Variants in KLHL4 observed in about 807,000 individuals in gnomAD.
The protein encoded by KLHL4 is kelch like family member 4, also known as kelch-like protein 4.
KLHL4 carries 17 observed loss-of-function variants against 45.8 expected under a neutral mutation model. The observed-to-expected ratio is 0.37, with a 90% confidence interval of 0.25 to 0.56. KLHL4 has a LOEUF of 0.56. KLHL4 is among the 20% of genes least tolerant of loss of function. The pLI, the probability that KLHL4 is intolerant of heterozygous loss-of-function variation, is 0.79. For synonymous variants in KLHL4, 224 were observed against 189.9 expected, an observed-to-expected ratio of 1.18 and a Z score of -1.47; for missense variants, 544 against 544.9, an observed-to-expected ratio of 1.00 and a Z score of 0.02.
chrX:87,641,295 T>A (rs1923450829), intron 9 of KLHL4, among the ~76,000 whole-genome samples: 2 of 111,739 alleles, frequency 1.8e-5, no homozygotes, highest in African/African-American at 6.5e-5. Context: ...TGAAGGTCTG[T>A]TTGCAGGAGA....
At chrX:87,525,370 A>C (rs776179458) in intron 1 of KLHL4, among the ~76,000 whole-genome samples, 1 of 111,674 alleles carries the variant, frequency 9.0e-6, no homozygotes, top group Non-Finnish European at 1.9e-5. Flanking sequence ...CAAAAGAAAA[A>C]CAATGACAGA....
At chrX:87,522,490 C>A (rs1191499951) in intron 1 of KLHL4, among the ~76,000 whole-genome samples, 1 of 111,764 alleles carries the variant, frequency 8.9e-6, no homozygotes, top group Non-Finnish European at 1.9e-5. Flanking sequence ...TTTCTCCAGG[C>A]ATTATATCTG....
chrX:87,561,697 C>T (rs1484292006), intron 1 of KLHL4, among the ~76,000 whole-genome samples: 1 of 110,594 alleles, frequency 9.0e-6, no homozygotes, highest in Admixed American at 9.7e-5. Flanking sequence ...TCACTGTCAC[C>T]CCTCCTGCAA....
At chrX:87,623,525 C>T (rs1164720450) in intron 5 of KLHL4, among the ~76,000 whole-genome samples, 1 of 110,118 alleles carries the variant, frequency 9.1e-6, no homozygotes, top group Non-Finnish European at 1.9e-5. Flanking sequence ...ACCTCCTGAC[C>T]TTGTGATCCA....
intron 6 of KLHL4, 69 bp downstream of exon 6, chrX:87,625,865 G>T (rs1026652244): frequency 1.4e-5 from 12 of 875,149 alleles, no homozygotes; most frequent in Non-Finnish European, 1.9e-5. Context: ...TTATAAGGGT[G>T]ATATTAAAGC....
intron 1 of KLHL4, among the ~76,000 whole-genome samples, chrX:87,565,509 C>G (rs956903525): frequency 9.1e-6 from 1 of 109,801 alleles, no homozygotes; most frequent in Non-Finnish European, 1.9e-5. Context: ...AGGTGGATCA[C>G]TTGAGGCCAA....
intron 9 of KLHL4, among the ~76,000 whole-genome samples, chrX:87,656,626 G>A (rs1054501535): frequency 9.2e-6 from 1 of 108,295 alleles, no homozygotes; most frequent in Non-Finnish European, 1.9e-5. Context: ...TTGGTTTTCA[G>A]CTTTCTCTTG....
intron 9 of KLHL4, among the ~76,000 whole-genome samples, chrX:87,658,625 C>T (rs7065874): frequency 0.052 from 5,747 of 111,204 alleles, 387 homozygotes; most frequent in African/African-American, 0.18. Flanking sequence ...AATTTTCCAC[C>T]GAACCCACAG....
At chrX:87,576,885 C>A (rs964002017) in intron 1 of KLHL4, among the ~76,000 whole-genome samples, 2 of 111,285 alleles carry the variant, frequency 1.8e-5, no homozygotes, top group Non-Finnish European at 3.8e-5. Context: ...ATTAGTTTAA[C>A]CTGCTAGATT....
intron 3 of KLHL4, among the ~76,000 whole-genome samples, chrX:87,615,550 T>G (rs1249223267): frequency 9.0e-6 from 1 of 111,324 alleles, no homozygotes; most frequent in Non-Finnish European, 1.9e-5. Context: ...TAAGCATCAT[T>G]CATAACTAAA....
chrX:87,616,202 AG>A (rs1378612719), intron 3 of KLHL4, among the ~76,000 whole-genome samples: 1 of 110,889 alleles, frequency 9.0e-6, no homozygotes, highest in Non-Finnish European at 1.9e-5. Flanking sequence ...ATGGAATTTG[AG>A]GTACTGAAAT....
intron 9 of KLHL4, among the ~76,000 whole-genome samples, chrX:87,649,597 A>G (rs1050766400): frequency 8.9e-6 from 1 of 111,932 alleles, no homozygotes; most frequent in South Asian, 3.7e-4. Context: ...ATTGTCAAAT[A>G]CAAGTTCATC....
At chrX:87,634,000 C>A in intron 8 of KLHL4, 89 bp downstream of exon 8, 2 of 734,965 alleles carry the variant, frequency 2.7e-6, no homozygotes, top group Non-Finnish European at 3.9e-6. Context: ...AATTAGCATT[C>A]CAAATAACCT....
intron 10 of KLHL4, among the ~76,000 whole-genome samples, chrX:87,665,583 G>A (rs866585603): frequency 8.9e-6 from 1 of 111,860 alleles, no homozygotes; most frequent in South Asian, 3.7e-4. Context: ...TGACCCTTTT[G>A]ACTGCTTTGC....
chrX:87,598,058 C>T (rs1359513331), intron 1 of KLHL4, among the ~76,000 whole-genome samples: 2 of 108,728 alleles, frequency 1.8e-5, no homozygotes, highest in Non-Finnish European at 3.8e-5. Flanking sequence ...AGAATTATTA[C>T]TATTTCTATT....
rs1294271278 is a variant in KLHL4 at position 87,641,739 on chromosome X, G to A, written c.1925+5964G>A. ...GTGAGATCAGCTCTTTGGTTTGCAC[G>A]GGAGCTGGGTGAGACCTGTGACTGC... On this transcript the variant is annotated intron_variant, in intron 9 of 10. Coordinates refer to ENST00000373119, the MANE Select transcript of KLHL4 (RefSeq NM_019117.5). Among the ~76,000 whole-genome samples the A allele has an allele frequency of 5.4e-5, 6 of 110,888 alleles. No homozygotes were observed. The East Asian group carries it at 1.2e-3, about 21-fold the overall frequency.
chrX:87,559,411 C>G lies in KLHL4; in HGVS notation c.422+41096C>G, dbSNP rs141967340. Among the ~76,000 whole-genome samples, 633 of 111,466 alleles carry G rather than the reference C, an allele frequency of 5.7e-3. 3 individuals carry two copies. Among genetic ancestry groups the G allele is most frequent in the African/African-American group, 0.019 (580 of 30,727 alleles). On this transcript the variant is annotated intron_variant, in intron 1 of 10. Coordinates refer to ENST00000373119, the MANE Select transcript of KLHL4 (RefSeq NM_019117.5). ...ACAGCCTTAGTTGTGATTCTTTGAG[C>G]TTTGTATCTTCCCATCGGCTCAATC...
chrX:87,642,627 C>T (rs756270968), intron 9 of KLHL4, among the ~76,000 whole-genome samples: 3 of 111,490 alleles, frequency 2.7e-5, no homozygotes, highest in Admixed American at 9.5e-5. Flanking sequence ...AAGGCGAAGC[C>T]CAATGCAAGG....
At chrX:87,611,095 C>A (rs1294558632) in intron 1 of KLHL4, among the ~76,000 whole-genome samples, 2 of 111,023 alleles carry the variant, frequency 1.8e-5, no homozygotes, top group African/African-American at 3.3e-5. Context: ...AGAAAAAAAG[C>A]TTCTGAGAAT....
Sources: allele counts gnomAD v4.1 joint callset (sites outside exome capture counted in the v4.1 genomes callset), GRCh38; gene constraint gnomAD v4.1.1; transcripts MANE v1.5; gene names NCBI Gene and HGNC (gene_info 2026-07-23, HGNC 2026-07-21).